TMTC2: variants seen among roughly 807,000 people sequenced by gnomAD.
TMTC2 encodes the protein protein O-mannosyl-transferase TMTC2.
Under a neutral mutation model 82.4 loss-of-function variants are expected in TMTC2, and 43 were observed. The ratio of observed to expected loss-of-function variants is 0.52; its 90% CI spans 0.41 to 0.67. The LOEUF is 0.67. TMTC2 is among the 30% of genes least tolerant of loss of function. The probability of loss-of-function intolerance (pLI) is 0.00; values close to 1 mark genes in which losing one functional copy is unlikely to be tolerated. For synonymous variants in TMTC2, 408 were observed against 381.9 expected (o/e 1.07, Z -0.80); for missense variants, 919 against 1,012.4 (o/e 0.91, Z 1.25).
At chr12:83,089,296 T>A (rs566048441) in intron 11 of TMTC2, among the ~76,000 whole-genome samples, 1 of 152,374 alleles carries the variant, frequency 6.6e-6, no homozygotes, top group East Asian at 1.9e-4. Context: ...TATAGCAAGC[T>A]AAGTGTTATT....
At chr12:82,862,665 A>C (rs1871608305) in intron 2 of TMTC2, among the ~76,000 whole-genome samples, 1 of 152,160 alleles carries the variant, frequency 6.6e-6, no homozygotes, top group Admixed American at 6.5e-5. Flanking sequence ...GGAGACATTG[A>C]GATTTTCCAG....
intron 3 of TMTC2, among the ~76,000 whole-genome samples, chr12:82,906,646 G>GCCATTGCA (rs1874328109): frequency 1.3e-5 from 2 of 152,142 alleles, no homozygotes; most frequent in Non-Finnish European, 2.9e-5. Context: ...CCGAGATCGT[G>GCCATTGCA]CCATTGCACT....
intron 1 of TMTC2, among the ~76,000 whole-genome samples, chr12:82,717,220 T>C (rs1298815499): frequency 1.9e-5 from 2 of 102,660 alleles, no homozygotes; most frequent in East Asian, 4.8e-4. Flanking sequence ...AAAAGGCACT[T>C]TTTTTTTTTT....
At chr12:83,028,317 T>C (rs1881267047) in intron 8 of TMTC2, among the ~76,000 whole-genome samples, 1 of 152,208 alleles carries the variant, frequency 6.6e-6, no homozygotes, top group Non-Finnish European at 1.5e-5. Flanking sequence ...GGTTTTGTTA[T>C]CCTTTTTAAA....
intron 1 of TMTC2, chr12:82,759,728 G>A (rs965848063): frequency 1.3e-5 from 2 of 152,210 alleles, no homozygotes; most frequent in African/African-American, 4.8e-5. Flanking sequence ...CAGAAACAGT[G>A]GCTATGCCCT....
At chr12:82,881,058 A>C (rs973379440) in intron 2 of TMTC2, among the ~76,000 whole-genome samples, 22 of 152,214 alleles carry the variant, frequency 1.4e-4, no homozygotes, top group African/African-American at 5.1e-4. Flanking sequence ...CTTAATGAAA[A>C]AAATACGAGA....
At chr12:82,848,289 C>G (rs910568785) in intron 1 of TMTC2, among the ~76,000 whole-genome samples, 2 of 152,142 alleles carry the variant, frequency 1.3e-5, no homozygotes, top group African/African-American at 4.8e-5. Flanking sequence ...AAAATATTGA[C>G]TGTTGGCCTG....
At chr12:83,011,075 T>C (rs1565851568) in intron 8 of TMTC2, among the ~76,000 whole-genome samples, 2 of 152,196 alleles carry the variant, frequency 1.3e-5, no homozygotes, top group Non-Finnish European at 2.9e-5. Flanking sequence ...CCTCAGGTAA[T>C]CCACCCACGT....
chr12:83,115,233 A>G (rs1368184273), intron 11 of TMTC2, among the ~76,000 whole-genome samples: 2 of 152,164 alleles, frequency 1.3e-5, no homozygotes, highest in African/African-American at 4.8e-5. Context: ...CTTCCCCTTC[A>G]TGCTAAAAAC....
At chr12:82,703,608 C>G (rs191755747) in intron 1 of TMTC2, among the ~76,000 whole-genome samples, 310 of 151,822 alleles carry the variant, frequency 2.0e-3, no homozygotes, top group African/African-American at 7.2e-3. Context: ...ACGCCATTCT[C>G]CTGCCTCAGC....
Position 83,019,215 on chromosome 12 carries a change from T to C in TMTC2, c.2071-11583T>C, listed in dbSNP as rs549523288. Among the ~76,000 whole-genome samples, 73 of 152,292 alleles carry C rather than the reference T, an allele frequency of 4.8e-4. 1 individual carries two copies. The East Asian group carries it at 0.011, about 23-fold the overall frequency. On this transcript the variant is annotated intron_variant, in intron 8 of 11. Transcript: ENST00000321196. Reference sequence around the variant, plus strand: ...GCCCCCTTATCATTTATGTTTTATGTTATTTTTTAAAAACCCTCATTGTGT... The same window carrying C: ...GCCCCCTTATCATTTATGTTTTATGCTATTTTTTAAAAACCCTCATTGTGT...
chr12:82,758,152 T>C (rs2136975795), intron 1 of TMTC2, among the ~76,000 whole-genome samples: 1 of 152,258 alleles, frequency 6.6e-6, no homozygotes, highest in South Asian at 2.1e-4. Flanking sequence ...GATATCATAT[T>C]TCTGTCTCTA....
chr12:82,947,307 G>T (rs1477855464), intron 4 of TMTC2, among the ~76,000 whole-genome samples: 1 of 150,850 alleles, frequency 6.6e-6, no homozygotes, highest in Non-Finnish European at 1.5e-5. Context: ...CTGAAACTGG[G>T]TGTTGGAGCA....
At chr12:83,030,662 A>C in intron 8 of TMTC2, 136 bp from the exon 9 acceptor site, 4 of 595,920 alleles carry the variant, frequency 6.7e-6, no homozygotes, top group South Asian at 4.8e-5. Flanking sequence ...ATCCTCACAT[A>C]GATAAAAACA....
chr12:82,856,561 G>A (rs1287512131), intron 1 of TMTC2, among the ~76,000 whole-genome samples: 1 of 152,080 alleles, frequency 6.6e-6, no homozygotes, highest in Non-Finnish European at 1.5e-5. Context: ...AGAAGCACCG[G>A]GCACTGATAT....
chr12:83,050,396 A>T (rs1882301331), intron 9 of TMTC2, among the ~76,000 whole-genome samples: 1 of 152,180 alleles, frequency 6.6e-6, no homozygotes, highest in South Asian at 2.1e-4. Context: ...AACCTTGTAA[A>T]GCTAACCTGA....
At chr12:83,082,487 C>A (rs973369666) in intron 11 of TMTC2, among the ~76,000 whole-genome samples, 12 of 152,298 alleles carry the variant, frequency 7.9e-5, no homozygotes, top group African/African-American at 2.9e-4. Flanking sequence ...ATAAAGTACT[C>A]GTGCAGAGAG....
chr12:83,120,194 T>A (rs894215046), intron 11 of TMTC2, among the ~76,000 whole-genome samples: 28 of 152,272 alleles, frequency 1.8e-4, no homozygotes, highest in Middle Eastern at 3.4e-3. Context: ...CCTGCGTACT[T>A]TGTTTTTGTT....
At chr12:82,809,303 C>A (rs1160200366) in intron 1 of TMTC2, among the ~76,000 whole-genome samples, 1 of 151,838 alleles carries the variant, frequency 6.6e-6, no homozygotes, top group East Asian at 1.9e-4. Flanking sequence ...ACAGATCTTG[C>A]ATTGCATGTG....
Sources: allele counts gnomAD v4.1 joint callset (sites outside exome capture counted in the v4.1 genomes callset), GRCh38; gene constraint gnomAD v4.1.1; transcripts MANE v1.5; gene names NCBI Gene and HGNC (gene_info 2026-07-23, HGNC 2026-07-21).